The following ZNF248 variants were observed in gnomAD, a reference collection of about 807,000 sequenced individuals.
ZNF248 encodes zinc finger protein 248, also known as KRAB protein domain.
Under a neutral mutation model 44.3 loss-of-function variants are expected in ZNF248, and 20 were observed. The ratio of observed to expected loss-of-function variants is 0.45; its 90% CI spans 0.32 to 0.66. The LOEUF is 0.66. Among genes scored for constraint, ZNF248 ranks in the 30% least tolerant of loss-of-function variants. ZNF248 has a pLI of 0.04. For missense variants in ZNF248, 654 were observed against 677.0 expected (o/e 0.97, Z 0.38); for synonymous variants, 224 against 229.0 (o/e 0.98, Z 0.20).
rs200360610 is a variant in ZNF248, at chr10:37,837,971, A to G, written c.142+14T>C. On this transcript the variant is annotated intron_variant, in intron 4 of 5. Transcript: ENST00000395867. ...CATGCTATTGATAGCCATGTGCGGA[A>G]AAAAACTCCTTACCTACTGAGACAA... The G allele has an allele frequency of 1.6e-5, 25 of 1,611,640 alleles. No homozygotes were observed. The highest frequency in any genetic ancestry group is 1.9e-5 in the Non-Finnish European group (22 of 1,178,622).
chr10:37,821,292 A>G (rs533440318), intron 6 of ZNF248, among the ~76,000 whole-genome samples: 1 of 152,286 alleles, frequency 6.6e-6, no homozygotes, highest in African/African-American at 2.4e-5. Context: ...ATAACCCCAC[A>G]AAGTAGGTAC....
At position 37,830,261 on chromosome 10, in the gene ZNF248, A is replaced by C; in HGVS notation, c.*1354T>G. ...ACATTTACATTACAGAATGACCCAG[A>C]GGTAGCTGAAAAACCTCAGAAAAGT... On this transcript the variant is annotated 3_prime_UTR_variant, in exon 6 of 6. Coordinates refer to ENST00000395867, the MANE Select transcript of ZNF248 (RefSeq NM_021045.3). 1.0e-6 allele frequency: 1 copy of C among 985,410 alleles called. No individual in the cohort carries two copies. Among genetic ancestry groups the C allele is most frequent in the Admixed American group, 6.1e-5 (1 of 16,276 alleles). The allele number at this position is 985,410 out of a possible 1,614,324, so 61.0% of individuals were successfully genotyped here. A position where few individuals can be genotyped will look rare whatever the true frequency, so the allele number is the denominator to read the frequency against.
At chr10:37,822,416 GAA>G (rs930001262) in intron 6 of ZNF248, among the ~76,000 whole-genome samples, 1 of 151,634 alleles carries the variant, frequency 6.6e-6, no homozygotes, top group Non-Finnish European at 1.5e-5. Flanking sequence ...AAACAAAAAT[GAA>G]AAAAAATTCA....
the ZNF248 span, among the ~76,000 whole-genome samples, chr10:37,768,729 AAC>A: frequency 1.3e-5 from 2 of 152,224 alleles, no homozygotes; most frequent in Non-Finnish European, 2.9e-5. Context: ...AGCAAGAGCA[AAC>A]ACACTCAAAT....
intron 6 of ZNF248, among the ~76,000 whole-genome samples, chr10:37,813,376 A>G (rs112075927): frequency 2.1e-3 from 324 of 152,320 alleles, no homozygotes; most frequent in Non-Finnish European, 4.0e-3. Flanking sequence ...AAAGCATCAG[A>G]CAGAAATTAT....
At chr10:37,765,527 A>G in the ZNF248 span, among the ~76,000 whole-genome samples, 1 of 152,216 alleles carries the variant, frequency 6.6e-6, no homozygotes, top group African/African-American at 2.4e-5. Context: ...TCTCCCAACA[A>G]CAAAGGTCAG....
chr10:37,844,474 T>C (rs2058926952), intron 3 of ZNF248, among the ~76,000 whole-genome samples: 1 of 152,246 alleles, frequency 6.6e-6, no homozygotes, highest in Admixed American at 6.5e-5. Flanking sequence ...TAAGTCCAAT[T>C]TGTAGTTTGT....
At chr10:37,772,603 A>G (rs924002808), downstream of ZNF248, among the ~76,000 whole-genome samples, 4 of 152,236 alleles carry the variant, frequency 2.6e-5, no homozygotes, top group East Asian at 7.7e-4. Flanking sequence ...AACCAGAGAG[A>G]AAAAGATTTT....
At chr10:37,768,662 G>C in the ZNF248 span, among the ~76,000 whole-genome samples, 1 of 152,138 alleles carries the variant, frequency 6.6e-6, no homozygotes, top group Non-Finnish European at 1.5e-5. Flanking sequence ...GCCGACAAGA[G>C]AAAGGAGGAA....
intron 3 of ZNF248, among the ~76,000 whole-genome samples, chr10:37,843,350 G>C (rs191009756): frequency 6.6e-6 from 1 of 151,518 alleles, no homozygotes; most frequent in African/African-American, 2.4e-5. Context: ...GCTTGAACCC[G>C]GGAGGCAGAG....
chr10:37,775,977 C>G (rs1588935811), downstream of ZNF248, among the ~76,000 whole-genome samples: 1 of 152,180 alleles, frequency 6.6e-6, no homozygotes, highest in African/African-American at 2.4e-5. Context: ...GTTACTTATA[C>G]ATCCAAGAGT....
intron 6 of ZNF248, among the ~76,000 whole-genome samples, chr10:37,810,239 T>A (rs915565012): frequency 7.2e-5 from 11 of 152,234 alleles, no homozygotes; most frequent in African/African-American, 2.7e-4. Context: ...ACCTTCTGTC[T>A]GGTTGTTCTA....
chr10:37,808,798 T>A (rs1387611628), intron 6 of ZNF248, among the ~76,000 whole-genome samples: 1 of 152,150 alleles, frequency 6.6e-6, no homozygotes, highest in Non-Finnish European at 1.5e-5. Flanking sequence ...AAAAGACTAA[T>A]GTTAGTCGGT....
downstream of ZNF248, among the ~76,000 whole-genome samples, chr10:37,826,153 C>G (rs991448272): frequency 6.6e-6 from 1 of 151,972 alleles, no homozygotes; most frequent in Non-Finnish European, 1.5e-5. Context: ...ATGAGTTCAC[C>G]ATATATATTG....
At chr10:37,846,499 G>A (rs997533606) in intron 3 of ZNF248, among the ~76,000 whole-genome samples, 2 of 151,914 alleles carry the variant, frequency 1.3e-5, no homozygotes, top group African/African-American at 4.8e-5. Context: ...TTTTTTAATT[G>A]GACAGGTATA....
intron 5 of ZNF248, among the ~76,000 whole-genome samples, chr10:37,833,654 G>A (rs1366569155): frequency 2.6e-5 from 4 of 152,210 alleles, no homozygotes; most frequent in African/African-American, 9.6e-5. Flanking sequence ...TTAACATTCT[G>A]AAAACATCAA....
At chr10:37,821,807 C>A (rs1399203355) in intron 6 of ZNF248, among the ~76,000 whole-genome samples, 1 of 152,146 alleles carries the variant, frequency 6.6e-6, no homozygotes, top group Non-Finnish European at 1.5e-5. Context: ...AGTTTTGGAT[C>A]CCATCTACTA....
the ZNF248 span, among the ~76,000 whole-genome samples, chr10:37,760,294 T>C: frequency 6.6e-6 from 1 of 152,156 alleles, no homozygotes; most frequent in African/African-American, 2.4e-5. Context: ...AGTGGTGCAA[T>C]GCACAGCTCA....
intron 6 of ZNF248, among the ~76,000 whole-genome samples, chr10:37,794,123 T>C (rs755385815): frequency 8.5e-5 from 13 of 152,234 alleles, no homozygotes; most frequent in Non-Finnish European, 1.9e-4. Context: ...GGTTTATGGA[T>C]TTAATTTTGG....
Sources: gnomAD v4.1 joint callset for allele counts (sites outside exome capture counted in the v4.1 genomes callset) on GRCh38, gnomAD v4.1.1 for gene constraint, MANE v1.5 for transcripts, NCBI Gene and HGNC (gene_info 2026-07-23, HGNC 2026-07-21) for gene names.